CDH4: variants seen among roughly 807,000 people sequenced by gnomAD.
CDH4 encodes the protein cadherin 4, also known as cadherin-4.
A neutral mutation model predicts 86.0 loss-of-function variants in CDH4; 33 were observed. That is an observed-to-expected ratio of 0.38 (90% confidence interval 0.29 to 0.51). CDH4 has a LOEUF of 0.51. Ranked by LOEUF, CDH4 falls within the 20% of genes least tolerant of loss-of-function variation. The probability of loss-of-function intolerance (pLI) is 0.86; values close to 1 mark genes in which losing one functional copy is unlikely to be tolerated. For synonymous variants in CDH4, 555 were observed against 549.4 expected (o/e 1.01, Z -0.14); for missense variants, 1,114 against 1,307.4 (o/e 0.85, Z 2.28).
intron 2 of CDH4, among the ~76,000 whole-genome samples, chr20:61,432,510 G>A (rs928466629): frequency 8.6e-5 from 13 of 151,910 alleles, no homozygotes; most frequent in Admixed American, 6.5e-5. Context: ...GGTTGTAAAC[G>A]TTTGTTTATA....
intron 2 of CDH4, among the ~76,000 whole-genome samples, chr20:61,357,191 G>A (rs1027709785): frequency 3.3e-5 from 5 of 152,128 alleles, no homozygotes; most frequent in East Asian, 1.9e-4. Flanking sequence ...TCCTGATTTC[G>A]TCCTCCCACA....
At chr20:61,710,186 C>T (rs1413197073) in intron 2 of CDH4, among the ~76,000 whole-genome samples, 2 of 152,160 alleles carry the variant, frequency 1.3e-5, no homozygotes, top group African/African-American at 2.4e-5. Flanking sequence ...TTTTTCCCAG[C>T]CCAGACTAAT....
At chr20:61,478,108 C>A (rs1174867672) in intron 2 of CDH4, among the ~76,000 whole-genome samples, 1 of 152,136 alleles carries the variant, frequency 6.6e-6, no homozygotes, top group Non-Finnish European at 1.5e-5. Context: ...AAATATGCCT[C>A]TAAATTGGGA....
chr20:61,691,435 A>G (rs897830069), intron 2 of CDH4, among the ~76,000 whole-genome samples: 14 of 150,428 alleles, frequency 9.3e-5, no homozygotes, highest in South Asian at 8.6e-4. Context: ...GTGCGTGTGC[A>G]TGTGTGTCTG....
intron 2 of CDH4, among the ~76,000 whole-genome samples, chr20:61,730,038 A>G (rs1290498397): frequency 6.6e-6 from 1 of 152,190 alleles, no homozygotes; most frequent in East Asian, 1.9e-4. Flanking sequence ...AAAATGGAGC[A>G]GGAAGTCACC....
At chr20:61,726,797 G>A (rs1378030129) in intron 2 of CDH4, among the ~76,000 whole-genome samples, 1 of 134,182 alleles carries the variant, frequency 7.5e-6, no homozygotes, top group Non-Finnish European at 1.6e-5. Context: ...GTCACCATTG[G>A]TGCCATCATC....
At position 61,743,568 on chromosome 20, in the gene CDH4, T is replaced by G; in HGVS notation, c.175T>G (p.Phe59Val). 1 of 1,560,618 alleles carries G rather than the reference T, an allele frequency of 6.4e-7. No individual in the cohort carries two copies. Among genetic ancestry groups the G allele is most frequent in the Non-Finnish European group, 8.7e-7 (1 of 1,151,204 alleles). Residue 59 changes from phenylalanine to valine, a missense_variant, in exon 3 of 16, where the codon TTC (phenylalanine) becomes GTC (valine). Physicochemically the swap from Phe to Val is conservative, Grantham distance 50 (BLOSUM62 -1). Coordinates refer to ENST00000614565, the MANE Select transcript of CDH4 (RefSeq NM_001794.5). The part of the protein sequence containing the change: ...LEGEKLLQVK[F>V]SSCVGTKGTQ... ...CTCTCCCCCTCCTCTTGCAGTCAAGTTCAGCAGCTGTGTGGGGACCAAGGG... is the reference window on the plus strand; with the variant it reads ...CTCTCCCCCTCCTCTTGCAGTCAAGGTCAGCAGCTGTGTGGGGACCAAGGG...
chr20:61,278,565 C>T (rs949196658), intron 2 of CDH4, among the ~76,000 whole-genome samples: 8 of 152,254 alleles, frequency 5.3e-5, no homozygotes, highest in Admixed American at 6.5e-5. Context: ...GGCCCTCTTA[C>T]GCCTGGTGCT....
intron 2 of CDH4, among the ~76,000 whole-genome samples, chr20:61,658,207 A>G (rs1318520599): frequency 6.6e-6 from 1 of 151,948 alleles, no homozygotes; most frequent in African/African-American, 2.4e-5. Context: ...CCCCCGAGCC[A>G]TCCTCCCTTC....
In CDH4 at chr20:61,393,347, G is replaced by A. The variant is rs1047626020; in HGVS notation, c.169+138410G>A. 5.3e-5 allele frequency among the ~76,000 whole-genome samples: 8 copies of A among 152,084 alleles called. No individual in the cohort carries two copies. The highest frequency in any genetic ancestry group is 1.2e-4 in the Non-Finnish European group (8 of 68,002). On this transcript the variant is annotated intron_variant, in intron 2 of 15. Coordinates refer to ENST00000614565, the MANE Select transcript of CDH4 (RefSeq NM_001794.5). This position sits in a 1 kb window ranked among gnomAD's most constrained non-coding sequence, Gnocchi z 4.3. ...GTGGTGTGGGGGACAGCAGCCGGGG[G>A]GGGCCGGGGTCTTCCTTACCTCCTA...
chr20:61,766,995 C>T (rs1222548086), intron 3 of CDH4, among the ~76,000 whole-genome samples: 1 of 152,248 alleles, frequency 6.6e-6, no homozygotes, highest in African/African-American at 2.4e-5. Flanking sequence ...TGGTGGGCCA[C>T]AGGTCAGACA....
chr20:61,831,296 C>A (rs1981600202), intron 4 of CDH4, among the ~76,000 whole-genome samples: 1 of 152,200 alleles, frequency 6.6e-6, no homozygotes, highest in Non-Finnish European at 1.5e-5. Flanking sequence ...CTCGTGGTGA[C>A]CAGCAAAGAC....
At chr20:61,326,692 C>T (rs916348695) in intron 2 of CDH4, among the ~76,000 whole-genome samples, 6 of 152,094 alleles carry the variant, frequency 3.9e-5, no homozygotes, top group Admixed American at 3.9e-4. Flanking sequence ...GACTGAGTGT[C>T]GGGTGGTGAA....
intron 6 of CDH4, among the ~76,000 whole-genome samples, chr20:61,870,493 G>A (rs1983756777): frequency 6.6e-6 from 1 of 152,148 alleles, no homozygotes; most frequent in Non-Finnish European, 1.5e-5. Flanking sequence ...TCCCTCACTG[G>A]TCAGGGCTTT....
intron 8 of CDH4, among the ~76,000 whole-genome samples, chr20:61,904,799 G>A (rs74838649): frequency 0.022 from 3,321 of 152,388 alleles, 116 homozygotes; most frequent in African/African-American, 0.074. Flanking sequence ...CGTGGCCCCA[G>A]CATAGGTGCC....
At chr20:61,279,121 G>A (rs1048476618) in intron 2 of CDH4, among the ~76,000 whole-genome samples, 2 of 152,244 alleles carry the variant, frequency 1.3e-5, no homozygotes, top group Non-Finnish European at 2.9e-5. Flanking sequence ...GTTCCTGAGA[G>A]CTGCCCCATT....
chr20:61,374,459 C>T (rs1331503513), intron 2 of CDH4, among the ~76,000 whole-genome samples: 1 of 152,150 alleles, frequency 6.6e-6, no homozygotes, highest in Non-Finnish European at 1.5e-5. Context: ...TGCCCGATCT[C>T]GGGTCCTGGT....
chr20:61,934,001 G>GC, intron 14 of CDH4, 55 bp from the exon 15 acceptor site: 2 of 1,591,696 alleles, frequency 1.3e-6, no homozygotes, highest in Admixed American at 3.4e-5. Context: ...CAGGGTGGAA[G>GC]GGGGGCTGGC....
intron 2 of CDH4, among the ~76,000 whole-genome samples, chr20:61,565,222 A>AGGTGGTGGTGGT (rs1228602020): frequency 9.3e-5 from 1 of 10,708 alleles, no homozygotes; most frequent in Admixed American, 9.8e-4. Context: ...TCTCGGTGGT[A>AGGTGGTGGTGGT]GGTGGTGGTG....
Sources: allele counts gnomAD v4.1 joint callset (sites outside exome capture counted in the v4.1 genomes callset), GRCh38; gene constraint gnomAD v4.1.1; non-coding constraint Gnocchi (gnomAD v3.1); transcripts MANE v1.5; gene names NCBI Gene and HGNC (gene_info 2026-07-23, HGNC 2026-07-21).